STX8: variants seen among roughly 807,000 people sequenced by gnomAD.
STX8 encodes the protein syntaxin 8, also known as syntaxin-8.
STX8 carries 23 observed loss-of-function variants against 37.5 expected under a neutral mutation model. The ratio of observed to expected loss-of-function variants is 0.61; its 90% confidence interval spans 0.44 to 0.87. STX8 has a LOEUF of 0.87. STX8 is among the 40% of genes least tolerant of loss of function. STX8 has a pLI of 0.00. For synonymous variants in STX8, 115 were observed against 99.1 expected (o/e 1.16, Z -0.95); for missense variants, 313 against 284.7 (o/e 1.10, Z -0.71).
At chr17:9,260,310 G>A (rs1482199581) in intron 7 of STX8, among the ~76,000 whole-genome samples, 1 of 151,844 alleles carries the variant, frequency 6.6e-6, no homozygotes, top group African/African-American at 2.4e-5. Flanking sequence ...GTGACAGAGT[G>A]AGACCCTGTC....
chr17:9,567,179 A>C (rs894379327), intron 2 of STX8, among the ~76,000 whole-genome samples: 6 of 152,162 alleles, frequency 3.9e-5, no homozygotes, highest in Admixed American at 1.3e-4. Flanking sequence ...GAGGAAGAGG[A>C]TTAGGAAAAA....
chr17:9,273,277 C>T (rs572301731), intron 7 of STX8: 2 of 152,348 alleles, frequency 1.3e-5, no homozygotes, highest in East Asian at 3.9e-4. Context: ...CCGAGTGCCT[C>T]GAACGAGAGC....
intron 4 of STX8, among the ~76,000 whole-genome samples, chr17:9,536,164 G>A (rs1906042764): frequency 6.6e-6 from 1 of 152,194 alleles, no homozygotes; most frequent in Admixed American, 6.5e-5. Flanking sequence ...ATGCTTTGCA[G>A]ATTTCTTAGC....
At chr17:9,254,012 C>T (rs1417004082) in intron 7 of STX8, among the ~76,000 whole-genome samples, 3 of 152,164 alleles carry the variant, frequency 2.0e-5, no homozygotes, top group African/African-American at 7.2e-5. Flanking sequence ...TCCCCGGTCC[C>T]TGCTCCACGA....
chr17:9,286,420 C>T (rs1444297400), intron 7 of STX8, among the ~76,000 whole-genome samples: 1 of 152,188 alleles, frequency 6.6e-6, no homozygotes, highest in Non-Finnish European at 1.5e-5. Flanking sequence ...TTGTCTTGAA[C>T]ACTGCCAGAG....
chr17:9,274,537 G>T (rs943722591), intron 7 of STX8, among the ~76,000 whole-genome samples: 28 of 151,030 alleles, frequency 1.9e-4, no homozygotes, highest in Middle Eastern at 3.4e-3. Flanking sequence ...TTAACCGGGC[G>T]TGTTGGTGGG....
intron 7 of STX8, among the ~76,000 whole-genome samples, chr17:9,291,107 A>G (rs1218357101): frequency 6.6e-6 from 1 of 152,202 alleles, no homozygotes; most frequent in African/African-American, 2.4e-5. Context: ...ATATGCTTCA[A>G]TTACTGAGAT....
intron 3 of STX8, among the ~76,000 whole-genome samples, chr17:9,547,772 CTTTTCTTTTCTT>C (rs1906600787): frequency 1.6e-5 from 2 of 122,820 alleles, no homozygotes; most frequent in African/African-American, 3.6e-5. Context: ...CTTTCCTTTT[CTTTTCTTTTCTT>C]TTTTTTTTTT....
intron 7 of STX8, among the ~76,000 whole-genome samples, chr17:9,313,542 A>G (rs554820119): frequency 2.7e-4 from 41 of 152,244 alleles, no homozygotes; most frequent in Non-Finnish European, 5.6e-4. Context: ...TCTGCTGAAC[A>G]CAAAGAGCCA....
intron 3 of STX8, chr17:9,555,611 A>C (rs1236535846): frequency 1.3e-5 from 2 of 152,156 alleles, no homozygotes; most frequent in African/African-American, 4.8e-5. Flanking sequence ...AAATACAAAA[A>C]TTGGGCCGGG....
chr17:9,513,793 T>C (rs1905091716), intron 4 of STX8, among the ~76,000 whole-genome samples: 1 of 152,086 alleles, frequency 6.6e-6, no homozygotes. Context: ...GATGAATGGA[T>C]AAAGAAAGTG....
At chr17:9,416,454 C>G (rs1913198872) in intron 6 of STX8, among the ~76,000 whole-genome samples, 1 of 152,096 alleles carries the variant, frequency 6.6e-6, no homozygotes, top group African/African-American at 2.4e-5. Flanking sequence ...ACTGAAACGT[C>G]CACCTCCCAG....
rs1912584025 is a variant in STX8 at position 9,400,717 on chromosome 17, A to C, written c.542-22064T>G. Among the ~76,000 whole-genome samples, 5 of 152,222 alleles carry C rather than the reference A, an allele frequency of 3.3e-5. No homozygotes were observed. The South Asian group carries it at 1.0e-3, about 32-fold the overall frequency. On this transcript the variant is annotated intron_variant, in intron 6 of 7. Coordinates refer to ENST00000306357, the MANE Select transcript of STX8 (RefSeq NM_004853.3). ...ACCCGCGCCCGGCCGAGTCAGTGGA[A>C]TTATTTAAATGCTATTAAAGTAAAA...
Position 9,250,514 on chromosome 17 carries a change from A to C in STX8, c.*64T>G. On this transcript the variant is annotated 3_prime_UTR_variant, in exon 8 of 8. Transcript: ENST00000306357. ...TTATTGAGAGCAGGTTTTGCGTACC[A>C]AAAGGGTGTTGGGCTTGCATCTGTC... 2 of 1,440,390 alleles carry C rather than the reference A, an allele frequency of 1.4e-6. No individual in the cohort carries two copies. The highest frequency in any genetic ancestry group is 3.9e-5 in the Admixed American group (2 of 50,944). The allele number at this position is 1,440,390 out of a possible 1,614,324, so 89.2% of individuals were successfully genotyped here.
chr17:9,358,613 C>G (rs1399084816), intron 7 of STX8, among the ~76,000 whole-genome samples: 1 of 152,128 alleles, frequency 6.6e-6, no homozygotes, highest in Non-Finnish European at 1.5e-5. Context: ...GCCCCATGTT[C>G]GGTGACACAT....
chr17:9,251,935 G>A (rs959496918), intron 7 of STX8, among the ~76,000 whole-genome samples: 12 of 152,234 alleles, frequency 7.9e-5, no homozygotes, highest in African/African-American at 1.7e-4. Flanking sequence ...AGGCCAAGGC[G>A]GGCGGATCAT....
chr17:9,445,725 C>T (rs940543122), intron 6 of STX8, among the ~76,000 whole-genome samples: 8 of 152,048 alleles, frequency 5.3e-5, no homozygotes, highest in Non-Finnish European at 1.0e-4. Context: ...CAAACTATTA[C>T]CCACTTTTTA....
chr17:9,402,074 C>T (rs1329446543), intron 6 of STX8, among the ~76,000 whole-genome samples: 2 of 151,732 alleles, frequency 1.3e-5, no homozygotes, highest in South Asian at 2.1e-4. Context: ...ATTATATGTA[C>T]GTTTTCAATA....
chr17:9,331,249 G>T (rs187689817), intron 7 of STX8, among the ~76,000 whole-genome samples: 5 of 152,212 alleles, frequency 3.3e-5, no homozygotes, highest in East Asian at 1.9e-4. Context: ...ATCCTGTTAC[G>T]CAACGATATT....
Sources: allele counts gnomAD v4.1 joint callset (sites outside exome capture counted in the v4.1 genomes callset), GRCh38; gene constraint gnomAD v4.1.1; transcripts MANE v1.5; gene names NCBI Gene and HGNC (gene_info 2026-07-23, HGNC 2026-07-21).